HELZ: variants seen among roughly 807,000 people sequenced by gnomAD.
The protein encoded by HELZ is ATP-dependent RNA helicase with zinc finger domain.
In HELZ, 23 loss-of-function variants were observed where a neutral mutation model predicts 218.2. The ratio of observed to expected loss-of-function variants is 0.11; its 90% CI spans 0.08 to 0.15. The LOEUF is 0.15. Ranked by LOEUF, HELZ falls within the 10% of genes least tolerant of loss-of-function variation. The probability of loss-of-function intolerance (pLI) is 1.00; values close to 1 mark genes in which losing one functional copy is unlikely to be tolerated. For synonymous variants in HELZ, 814 were observed against 829.4 expected (o/e 0.98, Z 0.32); for missense variants, 1,813 against 2,353.7 (o/e 0.77, Z 4.75).
chr17:67,125,446 T>C (rs2037764077), intron 24 of HELZ, among the ~76,000 whole-genome samples: 1 of 148,720 alleles, frequency 6.7e-6, no homozygotes, highest in Non-Finnish European at 1.5e-5. Flanking sequence ...GCAGGAGCAA[T>C]TAGAAGAGAC....
chr17:67,206,879 G>A (rs369850737), intron 5 of HELZ, among the ~76,000 whole-genome samples: 8 of 146,380 alleles, frequency 5.5e-5, no homozygotes, highest in Admixed American at 2.1e-4. Context: ...GATTACAGGC[G>A]TGAGCCACTA....
At chr17:67,103,775 A>C (rs2037002637) in intron 31 of HELZ, among the ~76,000 whole-genome samples, 2 of 152,234 alleles carry the variant, frequency 1.3e-5, no homozygotes, top group Admixed American at 1.3e-4. Context: ...AAATTCAAGG[A>C]ACCCAGAATA....
rs746930505 is a variant in HELZ at position 67,076,831 on chromosome 17, G to A, written c.*1421C>T. 1.3e-5 allele frequency: 2 copies of A among 152,052 alleles called. No individual in the cohort carries two copies. Among genetic ancestry groups the A allele is most frequent in the Admixed American group, 6.5e-5 (1 of 15,278 alleles). The allele number at this position is 152,052 out of a possible 1,614,324, so 9.4% of individuals were successfully genotyped here. A position where few individuals can be genotyped will look rare whatever the true frequency, so the allele number is the denominator to read the frequency against. On this transcript the variant is annotated 3_prime_UTR_variant, in exon 33 of 33. Transcript: ENST00000358691. ...ATCATCAGGAAGATTGGGTTCATTCGAAAGGTTCCCCAGCCTCATCTTATT... is the reference window on the plus strand; with the variant it reads ...ATCATCAGGAAGATTGGGTTCATTCAAAAGGTTCCCCAGCCTCATCTTATT...
intron 3 of HELZ, among the ~76,000 whole-genome samples, chr17:67,227,555 C>G (rs2040928639): frequency 6.6e-6 from 1 of 152,128 alleles, no homozygotes; most frequent in South Asian, 2.1e-4. Flanking sequence ...AAACAGAAAA[C>G]CCATGCACTT....
intron 31 of HELZ, among the ~76,000 whole-genome samples, chr17:67,101,728 G>A (rs1169827574): frequency 1.3e-5 from 2 of 151,940 alleles, no homozygotes; most frequent in South Asian, 2.1e-4. Flanking sequence ...CCCACCCCTC[G>A]GAGCAAGTAT....
At chr17:67,178,082 C>G (rs923643276) in intron 13 of HELZ, among the ~76,000 whole-genome samples, 2 of 152,152 alleles carry the variant, frequency 1.3e-5, no homozygotes, top group African/African-American at 2.4e-5. Context: ...TCTTCCCTCA[C>G]TCTAACTTTC....
At chr17:67,182,287 C>T (rs765256218) in intron 12 of HELZ, among the ~76,000 whole-genome samples, 2 of 150,394 alleles carry the variant, frequency 1.3e-5, no homozygotes, top group African/African-American at 4.9e-5. Flanking sequence ...ACTAAAAATA[C>T]AAAAAAAAAT....
Position 67,086,939 on chromosome 17 carries a change from G to C in HELZ, c.5384C>G (p.Ser1795Cys). The change falls in exon 32 of 33, where the codon TCT (serine) becomes TGT (cysteine). Residue 1795 changes from serine to cysteine, a missense_variant. By Grantham distance (112) the Ser-to-Cys change is moderately radical. Around this residue, in one of 4 missense-constraint regions of HELZ, gnomAD observed 938 missense variants for 1,027.5 expected, o/e 0.91. Transcript: ENST00000358691. ...KELQDHSNQSSFNFSSPESWV... is the reference protein window; with the variant it reads ...KELQDHSNQSCFNFSSPESWV... ...GGACTCCGGGGATGAAAAGTTGAAAGAAGATTGGTTACTGTGGTCCTGAAG... is the reference window on the plus strand; with the variant it reads ...GGACTCCGGGGATGAAAAGTTGAAACAAGATTGGTTACTGTGGTCCTGAAG... The C allele has an allele frequency of 6.2e-7, 1 of 1,613,912 alleles. No homozygotes were observed. Among genetic ancestry groups the C allele is most frequent in the Non-Finnish European group, 8.5e-7 (1 of 1,180,006 alleles).
chr17:67,073,238 T>C lies in HELZ; in HGVS notation c.*5014A>G, dbSNP rs772008401. 5 of 152,638 alleles carry C rather than the reference T, an allele frequency of 3.3e-5. No individual in the cohort carries two copies. The highest frequency in any genetic ancestry group is 7.3e-5 in the Non-Finnish European group (5 of 68,048). The allele number at this position is 152,638 out of a possible 1,614,324, so 9.5% of individuals were successfully genotyped here. A position where few individuals can be genotyped will look rare whatever the true frequency, so the allele number is the denominator to read the frequency against. ...AAGGTAATATCGATTTCCCCTCCTC[T>C]ACATAGTTCTAAGGCAGGCAATCAC... On this transcript the variant is annotated 3_prime_UTR_variant, in exon 33 of 33. Coordinates refer to ENST00000358691, the MANE Select transcript of HELZ (RefSeq NM_014877.4).
intron 31 of HELZ, among the ~76,000 whole-genome samples, chr17:67,105,267 AAC>A (rs1263595901): frequency 6.6e-6 from 1 of 152,224 alleles, no homozygotes; most frequent in Non-Finnish European, 1.5e-5. Context: ...ATGTGCAGAG[AAC>A]ACAGTTTGCA....
chr17:67,154,413 A>G (rs999041833), intron 17 of HELZ, among the ~76,000 whole-genome samples: 11 of 152,214 alleles, frequency 7.2e-5, no homozygotes, highest in African/African-American at 2.2e-4. Context: ...TGGGTTACAG[A>G]GTGAGACTCT....
rs1376040357 is a variant in HELZ at position 67,078,309 on chromosome 17, C to T, written c.5772G>A (p.Gln1924=). 5.0e-6 allele frequency: 8 copies of T among 1,614,092 alleles called. No homozygotes were observed. Among genetic ancestry groups the T allele is most frequent in the Non-Finnish European group, 6.8e-6 (8 of 1,180,016 alleles). ...KKSSDPLSLF[Q]ELSLGSSSGS... is the part of the protein sequence containing the mutation. ...CAGATGAGCTCCCTAGGCTCAGTTC[C>T]TGGAAGAGAGACAGAGGGTCGCTAC... The change falls in exon 33 of 33, where the codon CAG becomes CAA. Residue 1924 remains glutamine (Q), a synonymous_variant. Coordinates refer to ENST00000358691, the MANE Select transcript of HELZ (RefSeq NM_014877.4).
Position 67,203,424 on chromosome 17 carries a change from G to T in HELZ, c.267C>A (p.Ala89=). 6.2e-7 allele frequency: 1 copy of T among 1,613,980 alleles called. No individual in the cohort carries two copies. Among genetic ancestry groups the T allele is most frequent in the Middle Eastern group, 1.6e-4 (1 of 6,062 alleles). The stretch of plus-strand genomic sequence containing the variant: ...CTGCCCGAAAGGCATCTTCTCCCTT[G>T]GCCAGTCCTTCTCCCAGCACTGCCA... ...DCRHVLGEGL[A]KGEDAFRAVL... is the part of the protein sequence containing the mutation. Residue 89 remains alanine, a synonymous_variant, in exon 6 of 33, where the codon GCC becomes GCA. Coordinates refer to ENST00000358691, the MANE Select transcript of HELZ (RefSeq NM_014877.4).
chr17:67,082,197 C>T (rs2036215329), intron 32 of HELZ, among the ~76,000 whole-genome samples: 1 of 152,192 alleles, frequency 6.6e-6, no homozygotes, highest in Non-Finnish European at 1.5e-5. Flanking sequence ...CTGTTTCTTG[C>T]AATCAGATGT....
At chr17:67,138,819 T>C (rs933209475) in intron 21 of HELZ, among the ~76,000 whole-genome samples, 4 of 152,224 alleles carry the variant, frequency 2.6e-5, no homozygotes, top group African/African-American at 7.2e-5. Context: ...GTTTTTAGGA[T>C]AGTTTGTTCT....
chr17:67,224,997 G>C, intron 3 of HELZ: 1 of 692,886 alleles, frequency 1.4e-6, no homozygotes, highest in Non-Finnish European at 2.7e-6. Context: ...CAAGCATTTT[G>C]AACTGGAAGG....
In HELZ at chr17:67,227,195, C is replaced by CT. The variant is rs879422345; in HGVS notation, c.-18-8374dup. Among the ~76,000 whole-genome samples the CT allele has an allele frequency of 2.1e-3, 290 of 140,474 alleles. 1 individual carries two copies. The highest frequency in any genetic ancestry group is 5.0e-3 in the African/African-American group (194 of 38,808). The allele number at this position is 140,474 out of a possible 152,430, so 92.2% of individuals were successfully genotyped here. Reference sequence around the variant, plus strand: ...AATATGACCTAAATGTCACATTTGACTTTTTTTTTTTTTTTAAGATGGAGT... The same window carrying CT: ...AATATGACCTAAATGTCACATTTGACTTTTTTTTTTTTTTTTAAGATGGAGT... On this transcript the variant is annotated intron_variant, in intron 3 of 32. Transcript: ENST00000358691.
chr17:67,138,512 TAACC>T (rs2038221706), intron 21 of HELZ, among the ~76,000 whole-genome samples: 1 of 152,138 alleles, frequency 6.6e-6, no homozygotes, highest in South Asian at 2.1e-4. Context: ...CCAATGAAAC[TAACC>T]AACCAACTAG....
At chr17:67,221,841 TG>T (rs927951909) in intron 3 of HELZ, among the ~76,000 whole-genome samples, 2 of 149,206 alleles carry the variant, frequency 1.3e-5, no homozygotes, top group Non-Finnish European at 3.0e-5. Context: ...CTGTTTTTTG[TG>T]TTTTTTTTTT....
Sources: allele counts gnomAD v4.1 joint callset (sites outside exome capture counted in the v4.1 genomes callset), GRCh38; gene constraint gnomAD v4.1.1; regional missense constraint gnomAD v4.1.1; transcripts MANE v1.5; gene names NCBI Gene and HGNC (gene_info 2026-07-23, HGNC 2026-07-21).